Variants in MDM2 observed in about 807,000 individuals in gnomAD.
MDM2 encodes the protein E3 ubiquitin-protein ligase Mdm2.
Under a neutral mutation model 64.3 loss-of-function variants are expected in MDM2, and 11 were observed. That is an observed-to-expected ratio of 0.17 (90% CI 0.11 to 0.28). The LOEUF is 0.28. Among genes scored for constraint, MDM2 ranks in the 10% least tolerant of loss-of-function variants. The pLI is 1.00. For missense variants in MDM2, 388 were observed against 577.1 expected, an observed-to-expected ratio of 0.67 and a Z score of 3.36; for synonymous variants, 194 against 192.9, an observed-to-expected ratio of 1.01 and a Z score of -0.05.
chr12:68,824,169 C>T, intron 5 of MDM2, 194 bp from the exon 6 acceptor site: 1 of 551,828 alleles, frequency 1.8e-6, no homozygotes, highest in Middle Eastern at 4.8e-4. Flanking sequence ...TACTCTTCTA[C>T]ATTAAAGTTG....
intron 8 of MDM2, among the ~76,000 whole-genome samples, chr12:68,833,336 T>TATAAAA (rs1883048502): frequency 1.5e-5 from 2 of 131,524 alleles, no homozygotes; most frequent in African/African-American, 5.6e-5. Flanking sequence ...AATATAAAAA[T>TATAAAA]ATATATTTAT....
chr12:68,835,593 T>C (rs995569074), intron 8 of MDM2, among the ~76,000 whole-genome samples: 2 of 152,236 alleles, frequency 1.3e-5, no homozygotes, highest in African/African-American at 2.4e-5. Context: ...AGTTTCAGTA[T>C]GCAGGATGGA....
chr12:68,847,171 GTTTA>G (rs1299932059), downstream of MDM2: 15 of 78,620 alleles, frequency 1.9e-4, no homozygotes, highest in Non-Finnish European at 3.9e-4. Flanking sequence ...ATACATATGT[GTTTA>G]TGTATGTATG....
At chr12:68,822,411 C>CT (rs910854520) in intron 5 of MDM2, among the ~76,000 whole-genome samples, 6 of 143,658 alleles carry the variant, frequency 4.2e-5, no homozygotes, top group South Asian at 2.2e-4. Flanking sequence ...TTTTTATTTC[C>CT]TTTTTTTTTA....
At chr12:68,827,302 GAGTTTT>G (rs1882420822) in intron 7 of MDM2, among the ~76,000 whole-genome samples, 1 of 74,790 alleles carries the variant, frequency 1.3e-5, no homozygotes, top group South Asian at 3.6e-4. Context: ...TAGGAGGTAA[GAGTTTT>G]TTTTTCTATT....
chr12:68,811,363 A>G (rs1479036929), intron 2 of MDM2, among the ~76,000 whole-genome samples: 1 of 152,088 alleles, frequency 6.6e-6, no homozygotes, highest in Non-Finnish European at 1.5e-5. Context: ...GTGAAGTAAA[A>G]TTTGTTGGCT....
chr12:68,844,485 A>T lies in MDM2; in HGVS notation c.*4636A>T. 8.8e-6 allele frequency: 2 copies of T among 228,208 alleles called. No individual in the cohort carries two copies. Among genetic ancestry groups the T allele is most frequent in the Non-Finnish European group, 1.7e-5 (2 of 114,918 alleles). The allele number at this position is 228,208 out of a possible 1,614,324, so 14.1% of individuals were successfully genotyped here. A position where few individuals can be genotyped will look rare whatever the true frequency, so the allele number is the denominator to read the frequency against. ...GCCTAAGTGATCGTGAATGGTCTAT[A>T]AGGGAGGTAGCTGGGACAGGGAGGG... On this transcript the variant is annotated 3_prime_UTR_variant, in exon 11 of 11. Coordinates refer to ENST00000258149, the MANE Select transcript of MDM2 (RefSeq NM_002392.6).
At chr12:68,836,642 G>A (rs1188626123) in intron 9 of MDM2, 30 bp from the exon 10 acceptor site, 2 of 1,485,264 alleles carry the variant, frequency 1.3e-6, no homozygotes, top group African/African-American at 2.8e-5. Context: ...ATAGGGCGAT[G>A]AATTGATGCT....
intron 3 of MDM2, 108 bp from the exon 4 acceptor site, chr12:68,816,704 A>G (rs1291740890): frequency 3.1e-6 from 3 of 977,042 alleles, no homozygotes; most frequent in South Asian, 1.8e-5. Flanking sequence ...AGTTGTGGAT[A>G]TGGTTCCTGG....
At chr12:68,816,604 G>A (rs1333614699) in intron 3 of MDM2, among the ~76,000 whole-genome samples, 9 of 151,954 alleles carry the variant, frequency 5.9e-5, no homozygotes, top group Non-Finnish European at 8.8e-5. Context: ...TGATCCATCC[G>A]CTTCGGCCTC....
intron 8 of MDM2, among the ~76,000 whole-genome samples, chr12:68,833,249 ATATATATTTATATAAT>A (rs1485978966): frequency 4.7e-5 from 6 of 127,320 alleles, no homozygotes; most frequent in Non-Finnish European, 8.3e-5. Context: ...TTACATTGTT[ATATATATTTATATAAT>A]TATATATTTA....
chr12:68,842,362 A>T lies in MDM2; in HGVS notation c.*2513A>T. On this transcript the variant is annotated 3_prime_UTR_variant, in exon 11 of 11. Transcript: ENST00000258149. ...AAAAGATGATATAACAGTTAACAGGATGCAGACATGGCAGAGGTTTCCTAA... is the reference window on the plus strand; with the variant it reads ...AAAAGATGATATAACAGTTAACAGGTTGCAGACATGGCAGAGGTTTCCTAA... The T allele has an allele frequency of 4.0e-6, 2 of 495,272 alleles. No individual in the cohort carries two copies. The highest frequency in any genetic ancestry group is 3.1e-5 in the South Asian group (2 of 64,862). 30.7% of individuals were successfully genotyped at this position (495,272 alleles called of 1,614,324 possible).
At chr12:68,846,707 C>T (rs1884318956), downstream of MDM2, 1 of 152,108 alleles carries the variant, frequency 6.6e-6, no homozygotes, top group African/African-American at 2.4e-5. Flanking sequence ...ACTTTTAGAA[C>T]ACTATGAAAT....
chr12:68,823,256 G>C (rs74098266), intron 5 of MDM2, among the ~76,000 whole-genome samples: 8,920 of 152,096 alleles, frequency 0.059, 870 homozygotes, highest in African/African-American at 0.2. Context: ...GTTTCCAAGG[G>C]GGGTAGTAAA....
Position 68,809,262 on chromosome 12 carries a change from A to T in MDM2, c.69A>T (p.Ser23=). The part of the protein sequence containing the change: ...SVPTDGAVTT[S]QIPASEQETL... Reference sequence around the variant, plus strand: ...CTACTGATGGTGCTGTAACCACCTCACAGATTCCAGCTTCGGAACAAGAGA... The same window carrying T: ...CTACTGATGGTGCTGTAACCACCTCTCAGATTCCAGCTTCGGAACAAGAGA... Residue 23 remains serine, a synonymous_variant, in exon 2 of 11, where the codon TCA becomes TCT. Transcript: ENST00000258149. The T allele has an allele frequency of 6.2e-7, 1 of 1,614,142 alleles. No homozygotes were observed. The highest frequency in any genetic ancestry group is 1.7e-4 in the Middle Eastern group (1 of 6,060).
At chr12:68,832,438 A>G (rs1030806047) in intron 8 of MDM2, among the ~76,000 whole-genome samples, 3 of 152,134 alleles carry the variant, frequency 2.0e-5, no homozygotes, top group African/African-American at 7.2e-5. Flanking sequence ...TTGGAATTCA[A>G]ACAATTCTAG....
In MDM2 at chr12:68,836,740, T is replaced by C; in HGVS notation, c.909T>C (p.Ile303=). The C allele has an allele frequency of 6.2e-7, 1 of 1,609,614 alleles. No homozygotes were observed. Among genetic ancestry groups the C allele is most frequent in the Non-Finnish European group, 8.5e-7 (1 of 1,176,422 alleles). Residue 303 remains isoleucine, a synonymous_variant, in exon 10 of 11, where the codon ATT becomes ATC. Coordinates refer to ENST00000258149, the MANE Select transcript of MDM2 (RefSeq NM_002392.6). ...ATTCATTTGAAGAAGATCCTGAAATTTCCTTAGCTGTAAGTATACATCTAC... is the reference window on the plus strand; with the variant it reads ...ATTCATTTGAAGAAGATCCTGAAATCTCCTTAGCTGTAAGTATACATCTAC... The part of the protein sequence containing the change: ...DTDSFEEDPE[I]SLADYWKCTS...
At chr12:68,808,782 G>GGGGGCTGC (rs1880592582) in intron 1 of MDM2, among the ~76,000 whole-genome samples, 3 of 152,070 alleles carry the variant, frequency 2.0e-5, no homozygotes, top group African/African-American at 7.2e-5. Context: ...CACGGGGGCC[G>GGGGGCTGC]GGGGCTGCGG....
rs751949064 is a variant in MDM2 at position 68,809,296 on chromosome 12, AGTATTTTT to A, written c.99+7_99+14del. ...AGCTTCGGAACAAGAGACCCTGGTT[AGTATTTTT>A]GTCTCGTGTAACTTTTAAGAATAAT... is the stretch of plus-strand genomic sequence containing the variant. On this transcript the variant is annotated splice_donor_5th_base_variant and intron_variant, in intron 2 of 10. Coordinates refer to ENST00000258149, the MANE Select transcript of MDM2 (RefSeq NM_002392.6). 3 of 1,612,826 alleles carry A rather than the reference AGTATTTTT, an allele frequency of 1.9e-6. No individual in the cohort carries two copies. The East Asian group carries it at 6.7e-5, about 36-fold the overall frequency.
Sources: gnomAD v4.1 joint callset for allele counts (sites outside exome capture counted in the v4.1 genomes callset) on GRCh38, gnomAD v4.1.1 for gene constraint, MANE v1.5 for transcripts, NCBI Gene and HGNC (gene_info 2026-07-23, HGNC 2026-07-21) for gene names.